Variants in PRLR observed in about 807,000 individuals in gnomAD.
PRLR encodes the protein hPRL receptor.
PRLR carries 13 observed loss-of-function variants against 40.2 expected under a neutral mutation model. The ratio of observed to expected loss-of-function variants is 0.32; its 90% CI spans 0.21 to 0.51. The LOEUF (loss-of-function observed/expected upper bound fraction) is 0.51, where lower values mean the gene tolerates loss of function less well. Ranked by LOEUF, PRLR falls within the 20% of genes least tolerant of loss-of-function variation. The probability of loss-of-function intolerance (pLI) is 0.97; values close to 1 mark genes in which losing one functional copy is unlikely to be tolerated. For synonymous variants in PRLR, 269 were observed against 278.7 expected (o/e 0.97, Z 0.35); for missense variants, 656 against 747.3 (o/e 0.88, Z 1.42).
In PRLR at chr5:35,229,104, TTA is replaced by T. The variant is rs571348407; in HGVS notation, c.-106+1162_-106+1163del. On this transcript the variant is annotated intron_variant, in intron 1 of 9. Coordinates refer to ENST00000618457, the MANE Select transcript of PRLR (RefSeq NM_000949.7). ...TCAGCACTTCCACCTCATTAAACAT[TTA>T]TATATATATTATATATATTTCTATA... Among the ~76,000 whole-genome samples the T allele has an allele frequency of 4.2e-4, 62 of 148,264 alleles. 2 individuals are homozygous for T. In the South Asian group the frequency reaches 0.012, roughly 29 times the overall value.
At chr5:35,104,435 G>A (rs375075977) in intron 2 of PRLR, among the ~76,000 whole-genome samples, 357 of 152,252 alleles carry the variant, frequency 2.3e-3, no homozygotes, top group Middle Eastern at 0.01. Flanking sequence ...CGCCTCACCC[G>A]GGAAGTGTAA....
chr5:35,130,195 A>C (rs970847705), intron 1 of PRLR: 2 of 152,160 alleles, frequency 1.3e-5, no homozygotes, highest in Non-Finnish European at 2.9e-5. Flanking sequence ...ACCCCTCCCC[A>C]TTGCAAAGAA....
chr5:35,126,118 T>C (rs1240951508), intron 1 of PRLR, among the ~76,000 whole-genome samples: 2 of 152,230 alleles, frequency 1.3e-5, no homozygotes, highest in Non-Finnish European at 2.9e-5. Flanking sequence ...AAGGCTAATT[T>C]AAAAGTGCTG....
chr5:35,061,797 A>AG lies in PRLR; in HGVS notation c.*3291dup, dbSNP rs1376585945. On this transcript the variant is annotated 3_prime_UTR_variant, in exon 10 of 10. Coordinates refer to ENST00000618457, the MANE Select transcript of PRLR (RefSeq NM_000949.7). ...ACAACTTATTATAACTCAGAGTGTA[A>AG]GGATACATGAGCCAACTGTGCAATG... The AG allele has an allele frequency of 6.6e-6, 1 of 152,180 alleles. No individual in the cohort carries two copies. The highest frequency in any genetic ancestry group is 1.5e-5 in the Non-Finnish European group (1 of 68,032). 9.4% of individuals were successfully genotyped at this position (152,180 alleles called of 1,614,324 possible).
chr5:35,084,972 C>T (rs961421726), intron 4 of PRLR, among the ~76,000 whole-genome samples: 45 of 152,192 alleles, frequency 3.0e-4, no homozygotes, highest in African/African-American at 9.7e-4. Flanking sequence ...ATACCCAGGT[C>T]ATGCCCATTG....
At chr5:35,192,695 G>A (rs974788395) in intron 1 of PRLR, among the ~76,000 whole-genome samples, 4 of 152,154 alleles carry the variant, frequency 2.6e-5, no homozygotes, top group Non-Finnish European at 5.9e-5. Context: ...AAATAAGATG[G>A]GAATTCTGTT....
chr5:35,120,027 C>T (rs1039865536), intron 1 of PRLR, among the ~76,000 whole-genome samples: 4 of 152,172 alleles, frequency 2.6e-5, no homozygotes, highest in Non-Finnish European at 5.9e-5. Flanking sequence ...CCTTGTCATC[C>T]TCTGCCCTGG....
chr5:35,076,841 G>C (rs540769388), intron 5 of PRLR, among the ~76,000 whole-genome samples: 1 of 152,336 alleles, frequency 6.6e-6, no homozygotes, highest in African/African-American at 2.4e-5. Flanking sequence ...ACTAACAGTG[G>C]ATCTCTTGGC....
intron 1 of PRLR, among the ~76,000 whole-genome samples, chr5:35,145,903 A>T (rs1774170258): frequency 6.6e-6 from 1 of 152,238 alleles, no homozygotes; most frequent in African/African-American, 2.4e-5. Context: ...TGCAGAGGGT[A>T]TTTGAATGCT....
chr5:35,143,851 TTTTC>T (rs1399849655), intron 1 of PRLR, among the ~76,000 whole-genome samples: 6 of 152,140 alleles, frequency 3.9e-5, no homozygotes, highest in African/African-American at 1.4e-4. Context: ...ATAAAACAGA[TTTTC>T]TTTCTAAAAT....
Position 35,056,106 on chromosome 5 carries a change from CAA to C in PRLR, c.*8981_*8982del, listed in dbSNP as rs1305711197. On this transcript the variant is annotated 3_prime_UTR_variant, in exon 10 of 10. Coordinates refer to ENST00000618457, the MANE Select transcript of PRLR (RefSeq NM_000949.7). The stretch of plus-strand genomic sequence containing the variant: ...CACATTCGTAAAAGTATCTGTGCTT[CAA>C]GTCAGTTTGTAAGTATCTGTTTTTA... The C allele has an allele frequency of 2.6e-5, 4 of 152,204 alleles. No homozygotes were observed. Among genetic ancestry groups the C allele is most frequent in the Admixed American group, 2.6e-4 (4 of 15,274 alleles). 9.4% of individuals were successfully genotyped at this position (152,204 alleles called of 1,614,324 possible). A position where few individuals can be genotyped will look rare whatever the true frequency, so the allele number is the denominator to read the frequency against.
intron 1 of PRLR, among the ~76,000 whole-genome samples, chr5:35,168,803 C>T (rs1774917195): frequency 6.6e-6 from 1 of 152,148 alleles, no homozygotes; most frequent in Admixed American, 6.6e-5. Context: ...ATGGATTTCA[C>T]ATACTGCGAG....
At chr5:35,227,882 G>C (rs900302223) in intron 1 of PRLR, among the ~76,000 whole-genome samples, 1 of 152,200 alleles carries the variant, frequency 6.6e-6, no homozygotes, top group African/African-American at 2.4e-5. Context: ...TTGTACTCAA[G>C]ATTATGGGTC....
chr5:35,088,874 A>C (rs975590169), intron 3 of PRLR, among the ~76,000 whole-genome samples: 2 of 152,240 alleles, frequency 1.3e-5, no homozygotes, highest in Non-Finnish European at 1.5e-5. Flanking sequence ...CACAGAACAC[A>C]CACAGACATA....
At chr5:35,169,270 G>A (rs919981444) in intron 1 of PRLR, among the ~76,000 whole-genome samples, 18 of 152,032 alleles carry the variant, frequency 1.2e-4, no homozygotes, top group Non-Finnish European at 1.9e-4. Flanking sequence ...TGTGGCTTGC[G>A]GAAAGACCTT....
intron 1 of PRLR, among the ~76,000 whole-genome samples, chr5:35,121,447 C>T (rs879797919): frequency 3.9e-5 from 6 of 152,120 alleles, no homozygotes; most frequent in Non-Finnish European, 7.4e-5. Context: ...GTGGGTGTGA[C>T]CAATACATTT....
chr5:35,213,417 A>T (rs549022854), intron 1 of PRLR, among the ~76,000 whole-genome samples: 1 of 152,258 alleles, frequency 6.6e-6, no homozygotes, highest in South Asian at 2.1e-4. Context: ...TTCCCTTTAC[A>T]TTATTCCCTT....
chr5:35,179,826 T>C (rs1775245658), intron 1 of PRLR, among the ~76,000 whole-genome samples: 1 of 152,084 alleles, frequency 6.6e-6, no homozygotes, highest in African/African-American at 2.4e-5. Context: ...GCACCAGGGA[T>C]TGGTTTTGTG....
At chr5:35,168,270 G>A (rs1774900260) in intron 1 of PRLR, among the ~76,000 whole-genome samples, 2 of 151,798 alleles carry the variant, frequency 1.3e-5, no homozygotes, top group South Asian at 2.1e-4. Context: ...AGATGTTAGC[G>A]CACCATTCTC....
Sources: gnomAD v4.1 joint callset for allele counts (sites outside exome capture counted in the v4.1 genomes callset) on GRCh38, gnomAD v4.1.1 for gene constraint, MANE v1.5 for transcripts, NCBI Gene and HGNC (gene_info 2026-07-23, HGNC 2026-07-21) for gene names.